The following ANXA8 variants were observed in gnomAD, a reference collection of about 807,000 sequenced individuals.
ANXA8 encodes the protein annexin A8, also known as VAC-beta.
Under a neutral mutation model 26.8 loss-of-function variants are expected in ANXA8, and 9 were observed. The ratio of observed to expected loss-of-function variants is 0.34; its 90% confidence interval spans 0.20 to 0.59. The LOEUF is 0.59. ANXA8 is among the 20% of genes least tolerant of loss of function. The pLI is 0.84. For missense variants in ANXA8, 83 were observed against 238.5 expected (o/e 0.35, Z 4.29); for synonymous variants, 39 against 94.8 (o/e 0.41, Z 3.42).
chr10:47,702,122 G>A, the ANXA8 span, among the ~76,000 whole-genome samples: 2 of 149,150 alleles, frequency 1.3e-5, 1 homozygote, highest in African/African-American at 5.0e-5. Flanking sequence ...AACAAGGGAA[G>A]GTTAAAACGA....
the ANXA8 span, among the ~76,000 whole-genome samples, chr10:47,685,219 G>A: frequency 6.6e-6 from 1 of 151,138 alleles, no homozygotes; most frequent in African/African-American, 2.4e-5. Flanking sequence ...GGTGGTGCAT[G>A]CCTGTAATCT....
At chr10:47,651,721 C>A in the ANXA8 span, among the ~76,000 whole-genome samples, 70 of 150,442 alleles carry the variant, frequency 4.7e-4, no homozygotes, top group Middle Eastern at 3.4e-3. Context: ...ATGGAGAAAC[C>A]CCATCTCTAC....
At chr10:47,606,293 C>A in the ANXA8 span, among the ~76,000 whole-genome samples, 3 of 149,442 alleles carry the variant, frequency 2.0e-5, no homozygotes, top group Non-Finnish European at 4.4e-5. Flanking sequence ...CAGTTATAAC[C>A]AGATGGTTGA....
At chr10:47,483,406 G>A (rs1162051989) in intron 1 of ANXA8, among the ~76,000 whole-genome samples, 1 of 135,174 alleles carries the variant, frequency 7.4e-6, no homozygotes, top group African/African-American at 3.1e-5. Flanking sequence ...GGCCCTGCCT[G>A]CTTCCCCAGG....
the ANXA8 span, among the ~76,000 whole-genome samples, chr10:47,661,953 T>C: frequency 6.7e-6 from 1 of 149,128 alleles, no homozygotes; most frequent in Non-Finnish European, 1.5e-5. Flanking sequence ...CTTTTTTCTT[T>C]TTTTTCTAAG....
the ANXA8 span, among the ~76,000 whole-genome samples, chr10:47,913,896 T>C: frequency 1.2e-5 from 1 of 83,982 alleles, no homozygotes; most frequent in Non-Finnish European, 2.5e-5. Context: ...GCAACCTTTC[T>C]CTTCCTGCTC....
At chr10:47,501,780 T>A in the ANXA8 span, 2 of 403,920 alleles carry the variant, frequency 5.0e-6, no homozygotes, top group Non-Finnish European at 8.6e-6. Flanking sequence ...ATTTATGAAA[T>A]TTTTTTTCAA....
chr10:47,689,206 G>A, the ANXA8 span, among the ~76,000 whole-genome samples: 2 of 151,436 alleles, frequency 1.3e-5, no homozygotes, highest in Non-Finnish European at 1.5e-5. Flanking sequence ...TTGAGATGGA[G>A]TCTCACTCTG....
At chr10:47,983,027 G>T in the ANXA8 span, among the ~76,000 whole-genome samples, 13 of 108,152 alleles carry the variant, frequency 1.2e-4, no homozygotes, top group East Asian at 2.6e-3. Flanking sequence ...AAATAGAACC[G>T]CAATAAGATA....
At chr10:47,699,530 T>TA in the ANXA8 span, among the ~76,000 whole-genome samples, 1 of 151,258 alleles carries the variant, frequency 6.6e-6, no homozygotes, top group Admixed American at 6.6e-5. Flanking sequence ...AAATTAATGT[T>TA]AAAAAATATC....
At chr10:47,493,728 C>A in the ANXA8 span, among the ~76,000 whole-genome samples, 1 of 150,402 alleles carries the variant, frequency 6.6e-6, no homozygotes, top group Non-Finnish European at 1.5e-5. Flanking sequence ...GGGACAACTG[C>A]CCTTCCCCCC....
At chr10:47,566,502 G>T in the ANXA8 span, among the ~76,000 whole-genome samples, 1 of 151,202 alleles carries the variant, frequency 6.6e-6, no homozygotes, top group Non-Finnish European at 1.5e-5. Context: ...GGCTGGGGGA[G>T]CAGGACCTGG....
the ANXA8 span, among the ~76,000 whole-genome samples, chr10:47,627,961 T>C: frequency 6.7e-6 from 1 of 149,954 alleles, no homozygotes; most frequent in East Asian, 1.9e-4. Context: ...ATTTCTGCTC[T>C]TATGACTAGA....
the ANXA8 span, among the ~76,000 whole-genome samples, chr10:47,644,904 A>C: frequency 6.6e-6 from 1 of 151,504 alleles, no homozygotes; most frequent in Non-Finnish European, 1.5e-5. Flanking sequence ...TATATCAATT[A>C]ACCATTAAAT....
chr10:47,580,243 T>C, the ANXA8 span, among the ~76,000 whole-genome samples: 5 of 152,182 alleles, frequency 3.3e-5, no homozygotes, highest in African/African-American at 1.2e-4. Flanking sequence ...CAACAGTAAA[T>C]AGAACATCTA....
chr10:47,587,795 A>G, the ANXA8 span, among the ~76,000 whole-genome samples: 426 of 146,438 alleles, frequency 2.9e-3, 7 homozygotes, highest in Non-Finnish European at 4.8e-3. Flanking sequence ...AGACAGAATA[A>G]GAAGAAGACT....
At chr10:47,619,961 T>C in the ANXA8 span, among the ~76,000 whole-genome samples, 4 of 111,056 alleles carry the variant, frequency 3.6e-5, no homozygotes, top group Admixed American at 9.6e-5. Flanking sequence ...GAATCCCTGA[T>C]AAATATTAGT....
chr10:47,666,338 C>T, the ANXA8 span, among the ~76,000 whole-genome samples: 7 of 150,588 alleles, frequency 4.6e-5, 1 homozygote, highest in African/African-American at 1.7e-4. Flanking sequence ...GAAAAAGGAT[C>T]TCAGTTATTA....
chr10:47,680,872 TA>T, the ANXA8 span, among the ~76,000 whole-genome samples: 1 of 151,044 alleles, frequency 6.6e-6, no homozygotes, highest in African/African-American at 2.4e-5. Flanking sequence ...ATTCTTTTCA[TA>T]CCTCTTTAGA....
Sources: gnomAD v4.1 joint callset for allele counts (sites outside exome capture counted in the v4.1 genomes callset) on GRCh38, gnomAD v4.1.1 for gene constraint, MANE v1.5 for transcripts, NCBI Gene and HGNC (gene_info 2026-07-23, HGNC 2026-07-21) for gene names.